The following HDAC4 variants were observed in gnomAD, a reference collection of about 807,000 sequenced individuals.
HDAC4 encodes the protein histone deacetylase A.
Under a neutral mutation model 135.1 loss-of-function variants are expected in HDAC4, and 16 were observed. The observed-to-expected ratio is 0.12, with a 90% CI of 0.08 to 0.18. The LOEUF (loss-of-function observed/expected upper bound fraction) is 0.18. Ranked by LOEUF, HDAC4 falls within the 10% of genes least tolerant of loss-of-function variation. The probability of loss-of-function intolerance (pLI) is 1.00; values close to 1 mark genes in which losing one functional copy is unlikely to be tolerated. For synonymous variants in HDAC4, 685 were observed against 653.4 expected (o/e 1.05, Z -0.74); for missense variants, 1,143 against 1,511.8 (o/e 0.76, Z 4.05).
intron 2 of HDAC4, among the ~76,000 whole-genome samples, chr2:239,260,519 C>T (rs146900280): frequency 1.0e-3 from 154 of 152,282 alleles, no homozygotes; most frequent in African/African-American, 1.9e-3. Flanking sequence ...TGCCCCAAAC[C>T]GGCCTGCTGG....
intron 1 of HDAC4, among the ~76,000 whole-genome samples, chr2:239,394,006 T>G (rs1238936936): frequency 8.9e-6 from 1 of 111,918 alleles, no homozygotes. Flanking sequence ...GGGAGGCCAG[T>G]GGAGATACCA....
intron 1 of HDAC4, among the ~76,000 whole-genome samples, chr2:239,376,686 G>A (rs935869569): frequency 1.4e-4 from 22 of 152,154 alleles, no homozygotes; most frequent in Non-Finnish European, 2.8e-4. Context: ...AGTTCAGACC[G>A]TGTGTTCCTG....
intron 14 of HDAC4, 78 bp from the exon 15 acceptor site, chr2:239,108,261 T>C (rs1575055731): frequency 6.6e-7 from 1 of 1,525,614 alleles, no homozygotes; most frequent in Non-Finnish European, 8.9e-7. Flanking sequence ...TGCCCCCGGG[T>C]GGTGGCGGAA....
rs1035728473 is a variant in HDAC4, at chr2:239,048,907, G to GAC, written c.*4188_*4189dup. 26 of 152,242 alleles carry GAC rather than the reference G, an allele frequency of 1.7e-4. 1 individual carries two copies. The highest frequency in any genetic ancestry group is 6.0e-4 in the African/African-American group (25 of 41,462). The allele number at this position is 152,242 out of a possible 1,614,324, so 9.4% of individuals were successfully genotyped here. ...GTCAACACAGCTGTGCGGAAAAGGG[G>GAC]ACTCTTTCGAGTCCGCCCAGTTCTC... On this transcript the variant is annotated 3_prime_UTR_variant, in exon 27 of 27. Transcript: ENST00000543185.
At chr2:239,153,759 A>G (rs2042255578) in intron 7 of HDAC4, among the ~76,000 whole-genome samples, 1 of 152,370 alleles carries the variant, frequency 6.6e-6, no homozygotes, top group Non-Finnish European at 1.5e-5. Context: ...TGGTGCTATC[A>G]CAAGGTTAGA....
chr2:239,366,005 G>A lies in HDAC4; in HGVS notation c.-219-13087C>T, dbSNP rs552881367. Among the ~76,000 whole-genome samples the A allele has an allele frequency of 1.6e-3, 243 of 147,988 alleles. 2 individuals are homozygous for A. The highest frequency in any genetic ancestry group is 0.014 in the Admixed American group (202 of 14,816). On this transcript the variant is annotated intron_variant, in intron 1 of 26. Coordinates refer to ENST00000543185, the MANE Select transcript of HDAC4 (RefSeq NM_001378414.1). Reference sequence around the variant, plus strand: ...TCAGGGTCATGCATGTGGCACTGGTGGACACACACAAACACGCATGCACAG... The same window carrying A: ...TCAGGGTCATGCATGTGGCACTGGTAGACACACACAAACACGCATGCACAG...
chr2:239,383,088 G>A (rs1187093650), intron 1 of HDAC4, among the ~76,000 whole-genome samples: 1 of 152,172 alleles, frequency 6.6e-6, no homozygotes, highest in Non-Finnish European at 1.5e-5. Context: ...TACAGGCATG[G>A]TTGGCTTAAT....
At chr2:239,072,406 G>A (rs756647298) in intron 22 of HDAC4, among the ~76,000 whole-genome samples, 13 of 152,180 alleles carry the variant, frequency 8.5e-5, no homozygotes, top group Non-Finnish European at 1.9e-4. Flanking sequence ...CCCTCACCAA[G>A]CCCTTGTGTG....
chr2:239,335,363 A>AT (rs1358518633), intron 2 of HDAC4, among the ~76,000 whole-genome samples: 1 of 150,488 alleles, frequency 6.6e-6, no homozygotes, highest in African/African-American at 2.5e-5. Flanking sequence ...TACCTCACAC[A>AT]TAAAAAAAAA....
chr2:239,254,384 T>C (rs1412671471), intron 2 of HDAC4, among the ~76,000 whole-genome samples: 1 of 137,734 alleles, frequency 7.3e-6, no homozygotes, highest in Non-Finnish European at 1.6e-5. Flanking sequence ...TCCACAAATA[T>C]TAAAACAATG....
intron 3 of HDAC4, among the ~76,000 whole-genome samples, chr2:239,197,158 T>C (rs764916063): frequency 5.6e-4 from 85 of 152,218 alleles, no homozygotes; most frequent in Non-Finnish European, 1.1e-3. Context: ...GAGTAAGTTC[T>C]GCACATCTGA....
chr2:239,116,466 G>C (rs1364005985), intron 12 of HDAC4, among the ~76,000 whole-genome samples: 2 of 152,206 alleles, frequency 1.3e-5, no homozygotes, highest in South Asian at 4.1e-4. Context: ...CACGAGAAAC[G>C]CCTCTGGACG....
chr2:239,398,869 G>C (rs929740692), intron 1 of HDAC4, among the ~76,000 whole-genome samples: 1 of 152,224 alleles, frequency 6.6e-6, no homozygotes, highest in African/African-American at 2.4e-5. Context: ...AGCTCCCCTT[G>C]CAGGAGAAAG....
At chr2:239,147,750 C>G (rs373828288) in intron 7 of HDAC4, among the ~76,000 whole-genome samples, 2 of 152,246 alleles carry the variant, frequency 1.3e-5, no homozygotes, top group African/African-American at 4.8e-5. Context: ...CCTTAGGGAA[C>G]AGGGAGCAGG....
chr2:239,259,769 C>T (rs929712831), intron 2 of HDAC4, among the ~76,000 whole-genome samples: 1 of 152,186 alleles, frequency 6.6e-6, no homozygotes, highest in East Asian at 1.9e-4. Context: ...TCTCTGCTGA[C>T]AATGTTGAAG....
At chr2:239,173,200 G>A (rs543683540) in intron 5 of HDAC4, among the ~76,000 whole-genome samples, 8 of 152,310 alleles carry the variant, frequency 5.3e-5, no homozygotes, top group African/African-American at 1.4e-4. Context: ...AGGACATTAT[G>A]AGAAAGGAAA....
In HDAC4 at chr2:239,322,922, G is replaced by A. The variant is rs753145921; in HGVS notation, c.22+29756C>T. 5.9e-5 allele frequency among the ~76,000 whole-genome samples: 9 copies of A among 152,290 alleles called. 1 individual carries two copies. Among genetic ancestry groups the A allele is most frequent in the South Asian group, 4.1e-4 (2 of 4,822 alleles). ...CTGCAGTGACTGAGACAAACCCAGC[G>A]CTGCTGCGGGGTGTGTGGAGGCATC... On this transcript the variant is annotated intron_variant, in intron 2 of 26. Transcript: ENST00000543185.
intron 13 of HDAC4, among the ~76,000 whole-genome samples, chr2:239,113,722 C>T (rs1232506337): frequency 6.6e-6 from 1 of 152,162 alleles, no homozygotes; most frequent in Non-Finnish European, 1.5e-5. Context: ...CATCAACTTA[C>T]AAGGCCCGAC....
intron 14 of HDAC4, among the ~76,000 whole-genome samples, chr2:239,109,084 C>T (rs1214882372): frequency 1.3e-5 from 2 of 152,254 alleles, no homozygotes; most frequent in East Asian, 1.9e-4. Context: ...AGCTCTGCCC[C>T]GGCCCCTTCT....
Sources: allele counts gnomAD v4.1 joint callset (sites outside exome capture counted in the v4.1 genomes callset), GRCh38; gene constraint gnomAD v4.1.1; transcripts MANE v1.5; gene names NCBI Gene and HGNC (gene_info 2026-07-23, HGNC 2026-07-21).